Variants in UBE2E2 observed in about 807,000 individuals in gnomAD.
UBE2E2 encodes ubiquitin conjugating enzyme E2 E2.
A neutral mutation model predicts 24.7 loss-of-function variants in UBE2E2; 6 were observed. The observed-to-expected ratio is 0.24, with a 90% CI of 0.13 to 0.48. UBE2E2 has a LOEUF of 0.48. Ranked by LOEUF, UBE2E2 falls within the 20% of genes least tolerant of loss-of-function variation. The probability of loss-of-function intolerance (pLI) is 0.99; values close to 1 mark genes in which losing one functional copy is unlikely to be tolerated. For missense variants in UBE2E2, 169 were observed against 245.0 expected (o/e 0.69, Z 2.07); for synonymous variants, 104 against 83.6 (o/e 1.24, Z -1.33).
chr3:23,493,876 C>T (rs968249214), intron 3 of UBE2E2, among the ~76,000 whole-genome samples: 1 of 152,102 alleles, frequency 6.6e-6, no homozygotes, highest in Non-Finnish European at 1.5e-5. Flanking sequence ...TCATCTGCAG[C>T]GTGTAACAGC....
At chr3:23,352,916 G>A (rs1301957870) in intron 3 of UBE2E2, among the ~76,000 whole-genome samples, 2 of 152,158 alleles carry the variant, frequency 1.3e-5, no homozygotes, top group Admixed American at 6.5e-5. Context: ...CCAAAGCCGG[G>A]CAGAGACACA....
chr3:23,438,059 T>A (rs1238006299), intron 3 of UBE2E2, among the ~76,000 whole-genome samples: 1 of 152,174 alleles, frequency 6.6e-6, no homozygotes, highest in Non-Finnish European at 1.5e-5. Context: ...TCAGCAGATT[T>A]GAAGAGCATC....
intron 3 of UBE2E2, among the ~76,000 whole-genome samples, chr3:23,484,680 A>T (rs1243420803): frequency 6.6e-6 from 1 of 152,218 alleles, no homozygotes; most frequent in African/African-American, 2.4e-5. Context: ...GAAAAGAGGT[A>T]TAATGAACTC....
chr3:23,549,527 G>A (rs138957723), intron 5 of UBE2E2, among the ~76,000 whole-genome samples: 3 of 152,278 alleles, frequency 2.0e-5, no homozygotes, highest in East Asian at 3.9e-4. Context: ...TCACTAACTA[G>A]CTAGTGACCT....
In UBE2E2 at chr3:23,208,851, C is replaced by T; in HGVS notation, c.152C>T (p.Ala51Val). 1 of 1,612,876 alleles carries T rather than the reference C, an allele frequency of 6.2e-7. No homozygotes were observed. The highest frequency in any genetic ancestry group is 1.1e-5 in the South Asian group (1 of 90,850). The change falls in exon 2 of 6, where the codon GCT becomes GTT. Residue 51 changes from alanine (A) to valine (V), a missense_variant. Coordinates refer to ENST00000396703, the MANE Select transcript of UBE2E2 (RefSeq NM_152653.4). ...GGAAAAATATCCAGCAAAACCGCTG[C>T]TAAATTGTCAACTAGTGCTAAAAGG... Reference protein sequence around the residue: ...KEGKISSKTAAKLSTSAKRIQ... With the variant: ...KEGKISSKTAVKLSTSAKRIQ...
chr3:23,283,118 G>A (rs867811516), intron 3 of UBE2E2, among the ~76,000 whole-genome samples: 15 of 152,138 alleles, frequency 9.9e-5, no homozygotes, highest in Admixed American at 9.2e-4. Context: ...CTTATCTAAG[G>A]AGAAGTTGAT....
intron 3 of UBE2E2, among the ~76,000 whole-genome samples, chr3:23,343,461 A>G (rs1445403781): frequency 6.6e-6 from 1 of 152,142 alleles, no homozygotes; most frequent in African/African-American, 2.4e-5. Context: ...CTGTAGTCCC[A>G]TCTACTCAGG....
At chr3:23,572,726 G>A (rs1696255673) in intron 5 of UBE2E2, among the ~76,000 whole-genome samples, 1 of 152,160 alleles carries the variant, frequency 6.6e-6, no homozygotes, top group African/African-American at 2.4e-5. Context: ...TGCTCCTTTT[G>A]ATTGCTGCAT....
intron 3 of UBE2E2, among the ~76,000 whole-genome samples, chr3:23,352,968 T>G (rs1695805076): frequency 1.3e-5 from 2 of 152,244 alleles, no homozygotes; most frequent in Middle Eastern, 3.4e-3. Flanking sequence ...TGATGAACAT[T>G]GATGCAAAAA....
chr3:23,566,074 A>G (rs569673039), intron 5 of UBE2E2, among the ~76,000 whole-genome samples: 3 of 152,304 alleles, frequency 2.0e-5, no homozygotes, highest in East Asian at 1.9e-4. Context: ...GTTTTTTGCC[A>G]TGTATTTTCC....
At chr3:23,416,952 A>C (rs144532317) in intron 3 of UBE2E2, among the ~76,000 whole-genome samples, 1 of 152,068 alleles carries the variant, frequency 6.6e-6, no homozygotes. Context: ...CAATTCCTCT[A>C]ACCTTTTTTC....
intron 3 of UBE2E2, among the ~76,000 whole-genome samples, chr3:23,303,115 A>C (rs1456161366): frequency 6.6e-6 from 1 of 151,958 alleles, no homozygotes; most frequent in African/African-American, 2.4e-5. Flanking sequence ...CGCAAACTTT[A>C]TTGTGAACTG....
At chr3:23,289,035 T>C (rs1698692370) in intron 3 of UBE2E2, among the ~76,000 whole-genome samples, 1 of 152,246 alleles carries the variant, frequency 6.6e-6, no homozygotes, top group Non-Finnish European at 1.5e-5. Context: ...ACCACTCACC[T>C]GATGTTTAAT....
At chr3:23,405,807 A>G (rs763445204) in intron 3 of UBE2E2, among the ~76,000 whole-genome samples, 11 of 152,188 alleles carry the variant, frequency 7.2e-5, no homozygotes, top group Non-Finnish European at 1.6e-4. Context: ...ATTTTAAGGC[A>G]TTCCCAAATT....
intron 3 of UBE2E2, among the ~76,000 whole-genome samples, chr3:23,324,073 CTG>C (rs1559347684): frequency 6.6e-6 from 1 of 152,238 alleles, no homozygotes; most frequent in East Asian, 1.9e-4. Context: ...TCTGGAATAA[CTG>C]TGCAATGCTA....
At chr3:23,390,650 A>G (rs2125360452) in intron 3 of UBE2E2, among the ~76,000 whole-genome samples, 1 of 152,336 alleles carries the variant, frequency 6.6e-6, no homozygotes, top group South Asian at 2.1e-4. Flanking sequence ...CTAAAAGAGC[A>G]TTAATTGTAA....
intron 3 of UBE2E2, among the ~76,000 whole-genome samples, chr3:23,460,662 C>G (rs904493666): frequency 6.6e-6 from 1 of 152,098 alleles, no homozygotes; most frequent in African/African-American, 2.4e-5. Context: ...AGATTATTTT[C>G]TTTTGGGTTG....
chr3:23,474,973 A>G lies in UBE2E2; in HGVS notation c.228-24635A>G, dbSNP rs1349042102. ...CATTTCACTCAAATTGCTCCTCTCA[A>G]AGTCACCAACTGCATTTTGCTGAAA... On this transcript the variant is annotated intron_variant, in intron 3 of 5. Coordinates refer to ENST00000396703, the MANE Select transcript of UBE2E2 (RefSeq NM_152653.4). This position sits in a 1 kb window ranked among gnomAD's most constrained non-coding sequence, Gnocchi z 4.0. Among the ~76,000 whole-genome samples, 4 of 152,056 alleles carry G rather than the reference A, an allele frequency of 2.6e-5. No individual in the cohort carries two copies. Among genetic ancestry groups the G allele is most frequent in the African/African-American group, 7.3e-5 (3 of 41,324 alleles).
At chr3:23,497,279 G>A (rs760990935) in intron 3 of UBE2E2, among the ~76,000 whole-genome samples, 12 of 152,250 alleles carry the variant, frequency 7.9e-5, no homozygotes, top group East Asian at 1.9e-4. Context: ...GTTATTTAAG[G>A]TTTACGGTAT....
Sources: gnomAD v4.1 joint callset for allele counts (sites outside exome capture counted in the v4.1 genomes callset) on GRCh38, gnomAD v4.1.1 for gene constraint, Gnocchi (gnomAD v3.1) non-coding constraint, MANE v1.5 for transcripts, NCBI Gene and HGNC (gene_info 2026-07-23, HGNC 2026-07-21) for gene names.